The following SGCD variants were observed in gnomAD, a reference collection of about 807,000 sequenced individuals.
SGCD encodes the protein delta-sarcoglycan.
In SGCD, 18 loss-of-function variants were observed where a neutral mutation model predicts 36.6. That is an observed-to-expected ratio of 0.49 (90% CI 0.34 to 0.73). The LOEUF (loss-of-function observed/expected upper bound fraction) is 0.73, where lower values mean the gene tolerates loss of function less well. Among genes scored for constraint, SGCD ranks in the 30% least tolerant of loss-of-function variants. The pLI is 0.01. For missense variants in SGCD, 387 were observed against 346.7 expected (o/e 1.12, Z -0.92); for synonymous variants, 133 against 130.6 (o/e 1.02, Z -0.12).
intron 1 of SGCD, among the ~76,000 whole-genome samples, chr5:156,073,759 A>G (rs774735515): frequency 1.3e-5 from 2 of 152,216 alleles, no homozygotes; most frequent in Non-Finnish European, 2.9e-5. Context: ...ATACAGAGAT[A>G]TAGCCAGGTA....
intron 6 of SGCD, among the ~76,000 whole-genome samples, chr5:156,607,870 TTC>T (rs1429608887): frequency 1.3e-5 from 2 of 152,230 alleles, no homozygotes; most frequent in African/African-American, 2.4e-5. Flanking sequence ...TAGTTTGTAT[TTC>T]TGTTGGATCG....
chr5:156,321,739 T>A (rs940979344), intron 3 of SGCD, among the ~76,000 whole-genome samples: 12 of 152,162 alleles, frequency 7.9e-5, no homozygotes, highest in Non-Finnish European at 1.5e-4. Context: ...AGCATGTGAC[T>A]ACCAATGGGT....
At chr5:156,068,605 C>A (rs1220349143) in intron 1 of SGCD, among the ~76,000 whole-genome samples, 1 of 151,770 alleles carries the variant, frequency 6.6e-6, no homozygotes, top group East Asian at 1.9e-4. Flanking sequence ...GCCTTTATAG[C>A]AGCATGATTT....
At chr5:156,563,018 C>T (rs1759331055) in intron 4 of SGCD, among the ~76,000 whole-genome samples, 1 of 151,906 alleles carries the variant, frequency 6.6e-6, no homozygotes, top group African/African-American at 2.4e-5. Flanking sequence ...GCTCTTGTTG[C>T]CCAGGTTGGA....
At chr5:156,611,981 A>G (rs146467156) in intron 6 of SGCD, among the ~76,000 whole-genome samples, 111 of 152,064 alleles carry the variant, frequency 7.3e-4, no homozygotes, top group Middle Eastern at 6.8e-3. Flanking sequence ...ATTTTTTCCT[A>G]TTTCATTGAA....
rs1050992777 is a variant in SGCD at position 156,157,691 on chromosome 5, C to T, written c.-44+33672C>T. 5.3e-5 allele frequency among the ~76,000 whole-genome samples: 8 copies of T among 151,678 alleles called. 1 individual carries two copies. The highest frequency in any genetic ancestry group is 2.0e-4 in the African/African-American group (8 of 40,984). The stretch of plus-strand genomic sequence containing the variant: ...TCTCATTGTTGGGGAAAAGAATTAT[C>T]GTGTAGCTCTGTTCATGAACACACA... On this transcript the variant is annotated intron_variant, in intron 3 of 9. Coordinates refer to the SGCD transcript ENST00000517913.
chr5:155,771,369 C>T, the SGCD span, among the ~76,000 whole-genome samples: 1 of 152,010 alleles, frequency 6.6e-6, no homozygotes, highest in African/African-American at 2.4e-5. Context: ...CTGCCTCAGC[C>T]TCCCAAGTAG....
chr5:156,308,247 G>T (rs1031325092), intron 3 of SGCD, among the ~76,000 whole-genome samples: 1 of 152,036 alleles, frequency 6.6e-6, no homozygotes, highest in African/African-American at 2.4e-5. Flanking sequence ...GGAAAGCAAG[G>T]CATGTCTTAC....
intron 1 of SGCD, among the ~76,000 whole-genome samples, chr5:156,013,290 G>T (rs898220121): frequency 6.6e-6 from 1 of 152,182 alleles, no homozygotes; most frequent in Non-Finnish European, 1.5e-5. Context: ...CTCCCAAAGT[G>T]CTGGGATTAC....
intron 6 of SGCD, among the ~76,000 whole-genome samples, chr5:156,610,636 G>A (rs575182424): frequency 1.1e-4 from 16 of 152,368 alleles, no homozygotes; most frequent in African/African-American, 3.1e-4. Context: ...CCCTGCCCCC[G>A]GAGGTGGAGT....
the SGCD span, among the ~76,000 whole-genome samples, chr5:155,850,690 C>T: frequency 4.6e-5 from 7 of 152,246 alleles, no homozygotes; most frequent in South Asian, 2.1e-4. Flanking sequence ...CCATAATGAA[C>T]GCTCACTGGG....
intron 3 of SGCD, among the ~76,000 whole-genome samples, chr5:156,282,136 G>A (rs531000658): frequency 1.9e-4 from 29 of 152,248 alleles, no homozygotes; most frequent in Middle Eastern, 3.4e-3. Context: ...AATCACTGGT[G>A]GAGAGAATAT....
At chr5:156,355,075 G>T (rs1229459509) in intron 3 of SGCD, among the ~76,000 whole-genome samples, 1 of 152,184 alleles carries the variant, frequency 6.6e-6, no homozygotes, top group African/African-American at 2.4e-5. Flanking sequence ...GCTACACCTG[G>T]CTAGTAGCTG....
the SGCD span, among the ~76,000 whole-genome samples, chr5:155,800,253 A>C: frequency 6.6e-6 from 1 of 152,160 alleles, no homozygotes; most frequent in East Asian, 1.9e-4. Context: ...TTTGTTGCTC[A>C]ATGCTGTATC....
chr5:156,473,743 A>T (rs939351366), intron 3 of SGCD, among the ~76,000 whole-genome samples: 1 of 152,206 alleles, frequency 6.6e-6, no homozygotes, highest in African/African-American at 2.4e-5. Flanking sequence ...GGATATGGTG[A>T]TTCATTCGAT....
At chr5:156,337,503 T>C (rs1424136500) in intron 2 of SGCD, among the ~76,000 whole-genome samples, 1 of 152,164 alleles carries the variant, frequency 6.6e-6, no homozygotes, top group Non-Finnish European at 1.5e-5. Flanking sequence ...ATCCAACTCT[T>C]GAGCTTCAGT....
chr5:155,823,456 A>G, the SGCD span, among the ~76,000 whole-genome samples: 1 of 152,128 alleles, frequency 6.6e-6, no homozygotes, highest in African/African-American at 2.4e-5. Context: ...TGCTCATTTC[A>G]TAGGAAAACA....
chr5:156,703,387 T>TTA (rs1561865958), intron 7 of SGCD, among the ~76,000 whole-genome samples: 1 of 151,666 alleles, frequency 6.6e-6, no homozygotes, highest in East Asian at 1.9e-4. Context: ...TATTTCTTTT[T>TTA]TTTTTTTTCT....
At chr5:156,241,957 A>C (rs1399398524) in intron 3 of SGCD, among the ~76,000 whole-genome samples, 1 of 152,154 alleles carries the variant, frequency 6.6e-6, no homozygotes, top group African/African-American at 2.4e-5. Context: ...CCAGAATGAG[A>C]GCTGGCCCTC....
Sources: gnomAD v4.1 joint callset for allele counts (sites outside exome capture counted in the v4.1 genomes callset) on GRCh38, gnomAD v4.1.1 for gene constraint, MANE v1.5 for transcripts, NCBI Gene and HGNC (gene_info 2026-07-23, HGNC 2026-07-21) for gene names.